Variants in NSUN4 observed in about 807,000 individuals in gnomAD.
NSUN4 encodes the protein NOP2/Sun RNA methyltransferase 4, also known as 5-cytosine rRNA methyltransferase NSUN4.
In NSUN4, 31 loss-of-function variants were observed where a neutral mutation model predicts 43.8. The ratio of observed to expected loss-of-function variants is 0.71; its 90% CI spans 0.53 to 0.96. NSUN4 has a LOEUF of 0.96. NSUN4 is among the 40% of genes least tolerant of loss of function. NSUN4 has a pLI of 0.00. For missense variants in NSUN4, 439 were observed against 475.6 expected (o/e 0.92, Z 0.72); for synonymous variants, 167 against 184.1 (o/e 0.91, Z 0.75).
chr1:46,382,696 G>T, the NSUN4 span, among the ~76,000 whole-genome samples: 1 of 151,400 alleles, frequency 6.6e-6, no homozygotes, highest in Non-Finnish European at 1.5e-5. Flanking sequence ...CCACCTCCCA[G>T]GTTTAAGTGA....
At chr1:46,369,739 G>T (rs1170584664), downstream of NSUN4, among the ~76,000 whole-genome samples, 2 of 152,138 alleles carry the variant, frequency 1.3e-5, no homozygotes, top group Non-Finnish European at 2.9e-5. Flanking sequence ...AGTGTAAGGA[G>T]AAAGGAATGG....
chr1:46,345,188 G>T, intron 2 of NSUN4, 44 bp downstream of exon 2: 3 of 1,408,102 alleles, frequency 2.1e-6, no homozygotes, highest in Non-Finnish European at 2.0e-6. Flanking sequence ...AGTGTCTGCT[G>T]GAAGTAGACA....
intron 3 of NSUN4, among the ~76,000 whole-genome samples, chr1:46,349,748 T>G (rs1662843210): frequency 6.6e-6 from 1 of 152,032 alleles, no homozygotes; most frequent in African/African-American, 2.4e-5. Flanking sequence ...GAAGAAAAGG[T>G]GGGGTCATGG....
chr1:46,342,364 G>GCT (rs1662175113), intron 1 of NSUN4: 1 of 399,000 alleles, frequency 2.5e-6, no homozygotes, highest in African/African-American at 2.1e-5. Context: ...GGCATGCCTG[G>GCT]CTCTCCCAGC....
chr1:46,342,550 C>T lies in NSUN4; in HGVS notation c.93+1631C>T, dbSNP rs1328427027. Reference sequence around the variant, plus strand: ...ATTGAGTCCCTTCTCTCCTGGGAGGCAACTGGGAACTCTTACCTCATCCTA... The same window carrying T: ...ATTGAGTCCCTTCTCTCCTGGGAGGTAACTGGGAACTCTTACCTCATCCTA... On this transcript the variant is annotated intron_variant, in intron 1 of 5. Coordinates refer to ENST00000474844, the MANE Select transcript of NSUN4 (RefSeq NM_199044.4). 1.5e-4 allele frequency: 59 copies of T among 399,210 alleles called. No homozygotes were observed. The East Asian group carries it at 2.1e-3, about 14-fold the overall frequency. 24.7% of individuals were successfully genotyped at this position (399,210 alleles called of 1,614,324 possible).
rs374601812 is a variant in NSUN4 at position 46,360,439 on chromosome 1, T to TA, written c.754-251dup. Among the ~76,000 whole-genome samples the TA allele has an allele frequency of 1.4e-3, 197 of 140,170 alleles. 1 individual carries two copies. The highest frequency in any genetic ancestry group is 1.9e-3 in the Non-Finnish European group (120 of 64,698). 92.0% of individuals were successfully genotyped at this position (140,170 alleles called of 152,430 possible). On this transcript the variant is annotated intron_variant, in intron 4 of 5. Coordinates refer to ENST00000474844, the MANE Select transcript of NSUN4 (RefSeq NM_199044.4). ...CAGAGCAAGATTTGTCTCTAAAAATTAAAAAAAAAAAAAATTATAGTTACT... is the reference window on the plus strand; with the variant it reads ...CAGAGCAAGATTTGTCTCTAAAAATTAAAAAAAAAAAAAAATTATAGTTACT...
In NSUN4 at chr1:46,345,142, C is replaced by A; in HGVS notation, c.435C>A (p.Ala145=). The change falls in exon 2 of 6, where the codon GCC becomes GCA. Residue 145 remains alanine, a splice_region_variant and synonymous_variant. Transcript: ENST00000474844. ...GGGATATCAGTCGCTTCCCTCCTGC[C>A]AGGTAGGATCTGGAGCCATGACTGG... ...DRGDISRFPP[A]RPGSLGVMEY... The A allele has an allele frequency of 6.3e-7, 1 of 1,596,886 alleles. No homozygotes were observed. Among genetic ancestry groups the A allele is most frequent in the Non-Finnish European group, 8.5e-7 (1 of 1,171,946 alleles).
At chr1:46,348,342 C>T (rs548040300) in intron 3 of NSUN4, among the ~76,000 whole-genome samples, 2 of 152,336 alleles carry the variant, frequency 1.3e-5, no homozygotes, top group East Asian at 3.9e-4. Context: ...CCTACGCTCC[C>T]ACAGCATGGG....
chr1:46,371,406 C>T, the NSUN4 span, among the ~76,000 whole-genome samples: 7 of 149,852 alleles, frequency 4.7e-5, no homozygotes, highest in South Asian at 2.1e-4. Context: ...CCTGGGTTCA[C>T]GCCATTCTCC....
the NSUN4 span, among the ~76,000 whole-genome samples, chr1:46,383,262 C>T: frequency 7.2e-5 from 11 of 152,060 alleles, no homozygotes; most frequent in African/African-American, 2.4e-4. Context: ...GGGTGGACGC[C>T]CCAGAGACTC....
downstream of NSUN4, among the ~76,000 whole-genome samples, chr1:46,368,177 C>A (rs538509128): frequency 3.3e-5 from 5 of 152,178 alleles, no homozygotes; most frequent in East Asian, 9.6e-4. Context: ...AGCCTCAAAA[C>A]TCATTTCTAT....
the NSUN4 span, among the ~76,000 whole-genome samples, chr1:46,375,253 T>C: frequency 6.6e-6 from 1 of 151,814 alleles, no homozygotes. Flanking sequence ...CTGACCAACA[T>C]GGAGAAACTC....
At position 46,363,552 on chromosome 1, in the gene NSUN4, T is replaced by C. The variant is rs1279608780; in HGVS notation, c.*1706T>C. The C allele has an allele frequency of 6.6e-6, 1 of 152,254 alleles. No homozygotes were observed. Among genetic ancestry groups the C allele is most frequent in the Non-Finnish European group, 1.5e-5 (1 of 68,040 alleles). The allele number at this position is 152,254 out of a possible 1,614,324, so 9.4% of individuals were successfully genotyped here. A position where few individuals can be genotyped will look rare whatever the true frequency, so the allele number is the denominator to read the frequency against. On this transcript the variant is annotated 3_prime_UTR_variant, in exon 6 of 6. Coordinates refer to ENST00000474844, the MANE Select transcript of NSUN4 (RefSeq NM_199044.4). ...CAGAGAACTACTTTGGAAAACAGTT[T>C]ATCTGCTGTAATTGAACATTCAGCT... is the stretch of plus-strand genomic sequence containing the variant.
intron 3 of NSUN4, 64 bp from the exon 4 acceptor site, chr1:46,352,804 C>A: frequency 6.6e-7 from 1 of 1,523,452 alleles, no homozygotes; most frequent in Non-Finnish European, 9.1e-7. Flanking sequence ...CTGACTCCAT[C>A]AGCGCCATTG....
intron 4 of NSUN4, among the ~76,000 whole-genome samples, chr1:46,353,483 T>C (rs970918550): frequency 2.4e-4 from 36 of 149,406 alleles, no homozygotes; most frequent in African/African-American, 8.3e-4. Flanking sequence ...GATTGTTTCT[T>C]TTTTTTTTTT....
At chr1:46,367,375 T>C (rs140447083), downstream of NSUN4, among the ~76,000 whole-genome samples, 78 of 152,366 alleles carry the variant, frequency 5.1e-4, no homozygotes, top group East Asian at 0.014. Flanking sequence ...ACATCATTGT[T>C]TCTTACTTTC....
the NSUN4 span, among the ~76,000 whole-genome samples, chr1:46,379,761 G>C: frequency 3.9e-5 from 6 of 152,180 alleles, no homozygotes; most frequent in South Asian, 1.2e-3. Context: ...TCTGGGGAAG[G>C]CTTGCTCATT....
intron 4 of NSUN4, among the ~76,000 whole-genome samples, 198 bp downstream of exon 4, chr1:46,353,226 T>C (rs12385697): frequency 0.22 from 34,116 of 152,106 alleles, 4,298 homozygotes; most frequent in Non-Finnish European, 0.29. Flanking sequence ...TTAAAGATAG[T>C]TGGCAGCAAA....
chr1:46,356,556 A>T (rs980529967), intron 4 of NSUN4, among the ~76,000 whole-genome samples: 3 of 151,968 alleles, frequency 2.0e-5, no homozygotes, highest in Admixed American at 6.6e-5. Flanking sequence ...GCCGGGTGAG[A>T]TGGCGGGCGC....
Sources: allele counts gnomAD v4.1 joint callset (sites outside exome capture counted in the v4.1 genomes callset), GRCh38; gene constraint gnomAD v4.1.1; transcripts MANE v1.5; gene names NCBI Gene and HGNC (gene_info 2026-07-23, HGNC 2026-07-21).